Variants in XRN2 observed in about 807,000 individuals in gnomAD.
The protein encoded by XRN2 is 5'-3' exoribonuclease 2, also known as DHM1-like protein.
XRN2 carries 44 observed loss-of-function variants against 138.5 expected under a neutral mutation model. The observed-to-expected ratio is 0.32, with a 90% CI of 0.25 to 0.41. The LOEUF is 0.41. XRN2 is among the 10% of genes least tolerant of loss of function. The pLI is 1.00. For synonymous variants in XRN2, 354 were observed against 369.4 expected, an observed-to-expected ratio of 0.96 and a Z score of 0.48; for missense variants, 937 against 1,169.3, an observed-to-expected ratio of 0.80 and a Z score of 2.90.
chr20:21,365,636 G>C lies in XRN2; in HGVS notation c.2388G>C (p.Lys796Asn), dbSNP rs79285881. The C allele has an allele frequency of 3.7e-6, 6 of 1,613,332 alleles. No homozygotes were observed. The African/African-American group carries it at 8.0e-5, about 22-fold the overall frequency. The change falls in exon 26 of 30, where the codon AAG becomes AAC. Residue 796 changes from lysine (K) to asparagine (N), a missense_variant. Physicochemically the swap from Lys to Asn is moderately conservative, Grantham distance 94. Around this residue, in one of 6 missense-constraint regions of XRN2, gnomAD observed 372 missense variants for 414.4 expected, o/e 0.90. Coordinates refer to ENST00000377191, the MANE Select transcript of XRN2 (RefSeq NM_012255.5). ...AATCCAGCAATGGACGGCAGTGGAA[G>C]CCTCAGCTTGGCTTTAACCGTGACC... Reference protein sequence around the residue: ...WEKSSNGRQWKPQLGFNRDRR... With the variant: ...WEKSSNGRQWNPQLGFNRDRR...
chr20:21,304,706 A>T (rs2037791348), intron 1 of XRN2, among the ~76,000 whole-genome samples: 1 of 152,194 alleles, frequency 6.6e-6, no homozygotes, highest in Non-Finnish European at 1.5e-5. Context: ...TAATGGAGTA[A>T]ATCACTAGAT....
rs542515820 is a variant in XRN2 at position 21,374,886 on chromosome 20, T to G, written c.2584+6296T>G. ...CGTCATTTCTTAATTTTTAGAAGAATTCAGTGGCCAAGCCAGTTGGGCTTA... is the reference window on the plus strand; with the variant it reads ...CGTCATTTCTTAATTTTTAGAAGAAGTCAGTGGCCAAGCCAGTTGGGCTTA... On this transcript the variant is annotated intron_variant, in intron 27 of 29. Coordinates refer to ENST00000377191, the MANE Select transcript of XRN2 (RefSeq NM_012255.5). Among the ~76,000 whole-genome samples, 7 of 152,108 alleles carry G rather than the reference T, an allele frequency of 4.6e-5. No homozygotes were observed. In the South Asian group the frequency reaches 1.4e-3, roughly 31 times the overall value.
intron 1 of XRN2, among the ~76,000 whole-genome samples, chr20:21,319,535 C>T (rs1259945013): frequency 1.3e-5 from 2 of 151,962 alleles, no homozygotes; most frequent in African/African-American, 4.8e-5. Flanking sequence ...TGGCCAGTTA[C>T]TAGAAGGATT....
chr20:21,359,999 C>G (rs1233875479), intron 24 of XRN2, among the ~76,000 whole-genome samples: 2 of 151,960 alleles, frequency 1.3e-5, no homozygotes, highest in African/African-American at 4.8e-5. Flanking sequence ...ATCTGTAGTG[C>G]TCAGAAAGTA....
chr20:21,306,020 T>C lies in XRN2; in HGVS notation c.75+2547T>C, dbSNP rs111229858. ...CTGCCTTGGCCTCCTTATTCTTAAT[T>C]CTTAAGAAATGCTGTGTGGGATGTG... On this transcript the variant is annotated intron_variant, in intron 1 of 29. Coordinates refer to ENST00000377191, the MANE Select transcript of XRN2 (RefSeq NM_012255.5). Among the ~76,000 whole-genome samples, 218 of 75,152 alleles carry C rather than the reference T, an allele frequency of 2.9e-3. 69 individuals are homozygous for C. The highest frequency in any genetic ancestry group is 7.6e-3 in the African/African-American group (208 of 27,514). The allele number at this position is 75,152 out of a possible 152,430, so 49.3% of individuals were successfully genotyped here.
chr20:21,345,672 A>G (rs948424185), intron 16 of XRN2, among the ~76,000 whole-genome samples: 15 of 152,204 alleles, frequency 9.9e-5, no homozygotes, highest in African/African-American at 3.4e-4. Flanking sequence ...GGTTGGTCAC[A>G]TTGTATTTTC....
chr20:21,360,523 CAT>C lies in XRN2; in HGVS notation c.2255+2733_2255+2734del, dbSNP rs527937868. ...CCCATATTTAAAAAGCTCAGTTGTT[CAT>C]AGTGTTGCAACCAGTGTTTGCCAAA... is the stretch of plus-strand genomic sequence containing the variant. On this transcript the variant is annotated intron_variant, in intron 24 of 29. Coordinates refer to ENST00000377191, the MANE Select transcript of XRN2 (RefSeq NM_012255.5). Among the ~76,000 whole-genome samples the C allele has an allele frequency of 2.3e-3, 351 of 149,802 alleles. 1 individual carries two copies. The highest frequency in any genetic ancestry group is 0.014 in the Middle Eastern group (4 of 290).
chr20:21,386,793 T>A, intron 28 of XRN2, 75 bp from the exon 29 acceptor site: 1 of 1,534,060 alleles, frequency 6.5e-7, no homozygotes, highest in Non-Finnish European at 8.8e-7. Flanking sequence ...AATTTGGAGA[T>A]GATACCTGCC....
chr20:21,330,524 C>T lies in XRN2; in HGVS notation c.471C>T (p.Ser157=). The T allele has an allele frequency of 6.2e-7, 1 of 1,613,844 alleles. No homozygotes were observed. The highest frequency in any genetic ancestry group is 1.1e-5 in the South Asian group (1 of 91,056). The change falls in exon 5 of 30, where the codon AGC becomes AGT. Residue 157 remains serine (S), a synonymous_variant. Coordinates refer to ENST00000377191, the MANE Select transcript of XRN2 (RefSeq NM_012255.5). Reference sequence around the variant, plus strand: ...AAGAAATAAAAGAAAGATTTGACAGCAACTGTATTACACCAGTAAGTAGTC... The same window carrying T: ...AAGAAATAAAAGAAAGATTTGACAGTAACTGTATTACACCAGTAAGTAGTC... The part of the protein sequence containing the change: ...PPEEIKERFD[S]NCITPGTEFM...
intron 26 of XRN2, among the ~76,000 whole-genome samples, chr20:21,367,322 G>A (rs946767522): frequency 1.3e-5 from 2 of 152,284 alleles, no homozygotes; most frequent in Admixed American, 6.5e-5. Flanking sequence ...ATGTTAATGA[G>A]TTAGGATTCA....
At chr20:21,348,546 G>A (rs2038467249) in intron 19 of XRN2, 116 bp downstream of exon 19, 2 of 910,534 alleles carry the variant, frequency 2.2e-6, no homozygotes, top group Non-Finnish European at 3.4e-6. Flanking sequence ...GAAACAGTAT[G>A]TTTTTTACTC....
At chr20:21,385,583 A>C (rs2038928923) in intron 28 of XRN2, among the ~76,000 whole-genome samples, 2 of 152,350 alleles carry the variant, frequency 1.3e-5, no homozygotes, top group South Asian at 4.1e-4. Context: ...TGTAAAGAAA[A>C]ACTTTAGCCT....
intron 1 of XRN2, among the ~76,000 whole-genome samples, chr20:21,318,820 T>C (rs1280717334): frequency 6.6e-6 from 1 of 152,172 alleles, no homozygotes. Context: ...GTGTATACTT[T>C]GTATTATTTC....
At chr20:21,350,601 A>T (rs1304611609) in intron 20 of XRN2, among the ~76,000 whole-genome samples, 2 of 150,744 alleles carry the variant, frequency 1.3e-5, no homozygotes, top group African/African-American at 4.9e-5. Flanking sequence ...CACTAAAGTC[A>T]TCCTGCAGCA....
chr20:21,330,237 T>C (rs2038187980), intron 4 of XRN2, among the ~76,000 whole-genome samples: 1 of 152,066 alleles, frequency 6.6e-6, no homozygotes, highest in Non-Finnish European at 1.5e-5. Context: ...TGAGCCGAGA[T>C]TGCACCACTG....
intron 1 of XRN2, among the ~76,000 whole-genome samples, chr20:21,322,469 T>C (rs1322077438): frequency 6.6e-6 from 1 of 152,190 alleles, no homozygotes. Flanking sequence ...AGTTGTATGG[T>C]TTGGCATATG....
Position 21,365,887 on chromosome 20 carries a change from A to AT in XRN2, c.2456+183_2456+184insT, listed in dbSNP as rs2038690319. Among the ~76,000 whole-genome samples the AT allele has an allele frequency of 4.7e-5, 4 of 84,568 alleles. No homozygotes were observed. The Admixed American group carries it at 5.5e-4, about 12-fold the overall frequency. 55.5% of individuals were successfully genotyped at this position (84,568 alleles called of 152,430 possible). A position where few individuals can be genotyped will look rare whatever the true frequency, so the allele number is the denominator to read the frequency against. On this transcript the variant is annotated intron_variant, in intron 26 of 29. Coordinates refer to ENST00000377191, the MANE Select transcript of XRN2 (RefSeq NM_012255.5). ...TATATAATTATATATAATATTATAT[A>AT]ATATATAATTATATATATAATATAT... is the stretch of plus-strand genomic sequence containing the variant.
chr20:21,386,948 A>G lies in XRN2; in HGVS notation c.2729A>G (p.Gln910Arg). The G allele has an allele frequency of 6.2e-7, 1 of 1,614,052 alleles. No individual in the cohort carries two copies. Among genetic ancestry groups the G allele is most frequent in the Non-Finnish European group, 8.5e-7 (1 of 1,179,864 alleles). ...QNAAFQPNQY[Q>R]MLAGPGGYPP... ...GCAGCCTTCCAGCCAAACCAGTACC[A>G]GATGCTAGCTGGGCCTGGTGGGTAT... is the stretch of plus-strand genomic sequence containing the variant. The change falls in exon 29 of 30, where the codon CAG (glutamine) becomes CGG (arginine). Residue 910 changes from glutamine (Q) to arginine (R), a missense_variant. This residue lies in a region of XRN2 where 372 missense variants were observed against 414.4 expected (regional missense o/e 0.90). Coordinates refer to ENST00000377191, the MANE Select transcript of XRN2 (RefSeq NM_012255.5).
rs778993983 is a variant in XRN2, at chr20:21,386,983, C to T, written c.2764C>T (p.Arg922Ter). 3.7e-6 allele frequency: 6 copies of T among 1,611,188 alleles called. No individual in the cohort carries two copies. The highest frequency in any genetic ancestry group is 4.2e-6 in the Non-Finnish European group (5 of 1,177,558). The change falls in exon 29 of 30, where the codon CGA becomes TGA. Residue 922 changes from arginine to a stop codon, truncating the protein, a stop_gained. Transcript: ENST00000377191. LOFTEE classifies it high-confidence loss of function. ...TGGGCCTGGTGGGTATCCACCCAGACGAGATGATCGTGGAGGGAGACAGGT... is the reference window on the plus strand; with the variant it reads ...TGGGCCTGGTGGGTATCCACCCAGATGAGATGATCGTGGAGGGAGACAGGT... ...LAGPGGYPPR[R>*]DDRGGRQGYP...
Sources: gnomAD v4.1 joint callset for allele counts (sites outside exome capture counted in the v4.1 genomes callset) on GRCh38, gnomAD v4.1.1 for gene constraint, gnomAD v4.1.1 regional missense constraint, MANE v1.5 for transcripts, NCBI Gene and HGNC (gene_info 2026-07-23, HGNC 2026-07-21) for gene names.